KSR1: variants seen among roughly 807,000 people sequenced by gnomAD.
KSR1 encodes the protein kinase suppressor of ras.
A neutral mutation model predicts 92.9 loss-of-function variants in KSR1; 35 were observed. The observed-to-expected ratio is 0.38, with a 90% confidence interval of 0.29 to 0.50. KSR1 has a LOEUF of 0.50. KSR1 is among the 20% of genes least tolerant of loss of function. The pLI is 0.94. For synonymous variants in KSR1, 467 were observed against 472.6 expected, an observed-to-expected ratio of 0.99 and a Z score of 0.15; for missense variants, 972 against 1,158.5, an observed-to-expected ratio of 0.84 and a Z score of 2.34.
At chr17:27,502,500 C>G (rs145350905) in intron 1 of KSR1, among the ~76,000 whole-genome samples, 1 of 152,182 alleles carries the variant, frequency 6.6e-6, no homozygotes, top group Non-Finnish European at 1.5e-5. Flanking sequence ...AATTTAAAAT[C>G]GACTCCATCC....
chr17:27,604,063 C>T (rs562116974), intron 12 of KSR1, among the ~76,000 whole-genome samples, 175 bp downstream of exon 12: 6 of 152,164 alleles, frequency 3.9e-5, no homozygotes, highest in Non-Finnish European at 7.3e-5. Context: ...TATTTGCCTC[C>T]TATCAGTGCG....
chr17:27,590,396 G>C (rs180846755), intron 6 of KSR1, among the ~76,000 whole-genome samples: 62 of 152,318 alleles, frequency 4.1e-4, no homozygotes, highest in African/African-American at 1.5e-3. Context: ...CCTATTGATG[G>C]ACACATAGGT....
At chr17:27,480,237 TC>T (rs1203345463) in intron 1 of KSR1, among the ~76,000 whole-genome samples, 1 of 152,106 alleles carries the variant, frequency 6.6e-6, no homozygotes, top group African/African-American at 2.4e-5. Flanking sequence ...AGTGAGGTCT[TC>T]TCTAAGCAGC....
intron 1 of KSR1, among the ~76,000 whole-genome samples, chr17:27,475,868 A>T (rs777764079): frequency 6.6e-6 from 1 of 152,206 alleles, no homozygotes; most frequent in Non-Finnish European, 1.5e-5. Flanking sequence ...GAGCATATTC[A>T]TACTGTTACA....
intron 1 of KSR1, among the ~76,000 whole-genome samples, chr17:27,540,579 G>A (rs1367720004): frequency 1.3e-5 from 2 of 152,214 alleles, no homozygotes; most frequent in Non-Finnish European, 1.5e-5. Flanking sequence ...GAGAGTGCGG[G>A]TATGGGCCGG....
At chr17:27,555,511 C>CGTGTGTGTGTGTGTGT (rs71359222) in intron 2 of KSR1, among the ~76,000 whole-genome samples, 57 of 150,084 alleles carry the variant, frequency 3.8e-4, no homozygotes, top group African/African-American at 1.4e-3. Context: ...TTTTGTTTGG[C>CGTGTGTGTGTGTGTGT]GTGTGTGTGT....
chr17:27,475,907 T>C (rs1308003318), intron 1 of KSR1, among the ~76,000 whole-genome samples: 1 of 152,200 alleles, frequency 6.6e-6, no homozygotes, highest in East Asian at 1.9e-4. Flanking sequence ...TATTTAAGAT[T>C]GCATGTATGT....
At chr17:27,536,765 G>T (rs1177335824) in intron 1 of KSR1, among the ~76,000 whole-genome samples, 1 of 152,228 alleles carries the variant, frequency 6.6e-6, no homozygotes, top group Non-Finnish European at 1.5e-5. Context: ...ACCTGACCCT[G>T]GGTGGGGACC....
chr17:27,478,453 T>G (rs904884403), intron 1 of KSR1, among the ~76,000 whole-genome samples: 37 of 152,204 alleles, frequency 2.4e-4, no homozygotes, highest in African/African-American at 8.9e-4. Flanking sequence ...TTATTTATTG[T>G]TTTTTGCATG....
At chr17:27,543,962 C>A (rs552646686) in intron 1 of KSR1, among the ~76,000 whole-genome samples, 24 of 152,348 alleles carry the variant, frequency 1.6e-4, no homozygotes, top group Admixed American at 5.2e-4. Flanking sequence ...CCACCCATAT[C>A]TTCTGTATTG....
At chr17:27,499,493 G>A (rs911827559) in intron 1 of KSR1, among the ~76,000 whole-genome samples, 1 of 152,192 alleles carries the variant, frequency 6.6e-6, no homozygotes, top group African/African-American at 2.4e-5. Flanking sequence ...CTAAGGCTGG[G>A]CTTCATTTCT....
intron 1 of KSR1, among the ~76,000 whole-genome samples, chr17:27,505,412 G>GA (rs2150989021): frequency 6.6e-6 from 1 of 152,356 alleles, no homozygotes; most frequent in Non-Finnish European, 1.5e-5. Flanking sequence ...CTTCATCCAA[G>GA]AAGGTGCCTG....
At chr17:27,536,790 A>G (rs2070767764) in intron 1 of KSR1, among the ~76,000 whole-genome samples, 1 of 152,256 alleles carries the variant, frequency 6.6e-6, no homozygotes, top group Non-Finnish European at 1.5e-5. Flanking sequence ...CATCAGGGGC[A>G]GGCCCAGGGC....
At chr17:27,487,986 GA>G (rs2068718253) in intron 1 of KSR1, among the ~76,000 whole-genome samples, 1 of 152,128 alleles carries the variant, frequency 6.6e-6, no homozygotes, top group African/African-American at 2.4e-5. Context: ...CAACATCGGG[GA>G]CCACATTTCA....
At chr17:27,602,115 G>GT (rs368673379) in intron 11 of KSR1, among the ~76,000 whole-genome samples, 233 of 149,410 alleles carry the variant, frequency 1.6e-3, no homozygotes, top group South Asian at 6.3e-3. Context: ...GACTGTAGCT[G>GT]TTTTTTTTTT....
chr17:27,461,283 G>C (rs1177288124), intron 1 of KSR1, among the ~76,000 whole-genome samples: 3 of 152,112 alleles, frequency 2.0e-5, no homozygotes, highest in African/African-American at 7.2e-5. Context: ...GTTTTGCCGT[G>C]TTGGCCAGGC....
chr17:27,618,405 G>A (rs2074122194), intron 19 of KSR1, among the ~76,000 whole-genome samples: 1 of 152,372 alleles, frequency 6.6e-6, no homozygotes, highest in South Asian at 2.1e-4. Flanking sequence ...TGGGAAGTTT[G>A]TTCTGGGCCT....
chr17:27,476,692 T>C (rs1323887671), intron 1 of KSR1, among the ~76,000 whole-genome samples: 3 of 152,164 alleles, frequency 2.0e-5, no homozygotes, highest in Admixed American at 2.0e-4. Context: ...AGAAAAGCCC[T>C]CTGGCTGTTT....
At chr17:27,599,462 C>T (rs1316021614) in intron 10 of KSR1, among the ~76,000 whole-genome samples, 1 of 152,182 alleles carries the variant, frequency 6.6e-6, no homozygotes, top group Non-Finnish European at 1.5e-5. Flanking sequence ...GAGGCTGAGG[C>T]ATGAGAATCG....
Sources: gnomAD v4.1 joint callset for allele counts (sites outside exome capture counted in the v4.1 genomes callset) on GRCh38, gnomAD v4.1.1 for gene constraint, MANE v1.5 for transcripts, NCBI Gene and HGNC (gene_info 2026-07-23, HGNC 2026-07-21) for gene names.